Variants in DNMT3A observed in about 807,000 individuals in gnomAD.
DNMT3A encodes DNA (cytosine-5)-methyltransferase 3A.
DNMT3A carries 267 observed loss-of-function variants against 117.6 expected under a neutral mutation model. That is an observed-to-expected ratio of 2.27 (90% CI 2.05 to 2.51). DNMT3A has a LOEUF of 2.51. Among genes scored for constraint, DNMT3A ranks in the 30% most tolerant of loss-of-function variants. The pLI is 0.00. For missense variants in DNMT3A, 1,029 were observed against 1,260.2 expected (o/e 0.82, Z 2.78); for synonymous variants, 432 against 474.8 (o/e 0.91, Z 1.17).
rs147564809 is a variant in DNMT3A, at chr2:25,281,677, C to T, written c.448+764G>A. ...AGAAAGCGCTTTGTAAACTGTGAAGCCCTGTACAAATGCTAGTTGTCCTCA... is the reference window on the plus strand; with the variant it reads ...AGAAAGCGCTTTGTAAACTGTGAAGTCCTGTACAAATGCTAGTTGTCCTCA... On this transcript the variant is annotated intron_variant, in intron 4 of 22. Coordinates refer to ENST00000321117, the MANE Select transcript of DNMT3A (RefSeq NM_022552.5). This position sits in a 1 kb window ranked among gnomAD's most constrained non-coding sequence, Gnocchi z 4.8. 7 of 1,065,684 alleles carry T rather than the reference C, an allele frequency of 6.6e-6. No homozygotes were observed. Among genetic ancestry groups the T allele is most frequent in the East Asian group, 5.0e-5 (1 of 20,186 alleles). The allele number at this position is 1,065,684 out of a possible 1,614,324, so 66.0% of individuals were successfully genotyped here.
rs774128516 is a variant in DNMT3A at position 25,247,677 on chromosome 2, T to G, written c.928A>C (p.Ile310Leu). ...CGGCCCGTCATCCACCAAGACACAA[T>G]GCGGCCTGGCCACCAGGAGAAGCCC... is the stretch of plus-strand genomic sequence containing the variant. ...LRGFSWWPGR[I>L]VSWWMTGRSR... Residue 310 changes from isoleucine (I) to leucine (L), a missense_variant, in exon 8 of 23, where the codon ATT (isoleucine) becomes CTT (leucine). Ile to Leu is a conservative substitution (Grantham distance 5). Coordinates refer to ENST00000321117, the MANE Select transcript of DNMT3A (RefSeq NM_022552.5). This position sits in a 1 kb window ranked among gnomAD's most constrained non-coding sequence, Gnocchi z 5.6. The G allele has an allele frequency of 6.2e-7, 1 of 1,612,484 alleles. No individual in the cohort carries two copies. Among genetic ancestry groups the G allele is most frequent in the Non-Finnish European group, 8.5e-7 (1 of 1,179,634 alleles).
intron 2 of DNMT3A, among the ~76,000 whole-genome samples, chr2:25,301,321 T>C (rs758651972): frequency 6.6e-6 from 1 of 152,048 alleles, no homozygotes; most frequent in African/African-American, 2.4e-5. Flanking sequence ...GCAATATCTA[T>C]TTGAAGTCCA....
At chr2:25,239,067 C>A in intron 20 of DNMT3A, 63 bp downstream of exon 20, 1 of 1,497,728 alleles carries the variant, frequency 6.7e-7, no homozygotes, top group South Asian at 1.2e-5. Flanking sequence ...GGCTTCCCCA[C>A]TATGGGTCAT....
chr2:25,264,132 G>GTTTTTTTTGTTTTTT (rs2029959796), intron 6 of DNMT3A, among the ~76,000 whole-genome samples: 2 of 73,740 alleles, frequency 2.7e-5, no homozygotes, highest in East Asian at 5.0e-4. Flanking sequence ...CAACCCTTTG[G>GTTTTTTTTGTTTTTT]TTTTTTTTTT....
At chr2:25,334,055 G>A (rs113837461) in intron 1 of DNMT3A, among the ~76,000 whole-genome samples, 4 of 152,212 alleles carry the variant, frequency 2.6e-5, no homozygotes, top group African/African-American at 9.7e-5. Context: ...GTCCTTTTAT[G>A]TCTGTTCCTG....
chr2:25,302,279 A>G (rs1395235567), intron 2 of DNMT3A, among the ~76,000 whole-genome samples: 2 of 152,154 alleles, frequency 1.3e-5, no homozygotes, highest in Non-Finnish European at 1.5e-5. Context: ...ACTGGAGACC[A>G]AAGCTGTCTG....
intron 1 of DNMT3A, chr2:25,314,577 A>C (rs1392954421): frequency 3.1e-6 from 3 of 974,330 alleles, no homozygotes; most frequent in Non-Finnish European, 1.2e-6. Context: ...ATCTGTCCTC[A>C]CCCCCACCCC....
intron 2 of DNMT3A, among the ~76,000 whole-genome samples, chr2:25,310,725 C>T (rs2034066675): frequency 6.6e-6 from 1 of 152,182 alleles, no homozygotes; most frequent in African/African-American, 2.4e-5. Flanking sequence ...AGAAAAGGGC[C>T]GTGACCCTGC....
In DNMT3A at chr2:25,240,672, G is replaced by GA; in HGVS notation, c.2140dup (p.Ser714PhefsTer20). ...GCCCTTGCGAGCAGGGTTGACGATGGAGAGGTCATTGCAGGGACTGCCCCC... is the reference window on the plus strand; with the variant it reads ...GCCCTTGCGAGCAGGGTTGACGATGGAAGAGGTCATTGCAGGGACTGCCCCC... On this transcript the variant is annotated frameshift_variant, in exon 18 of 23. Coordinates refer to ENST00000321117, the MANE Select transcript of DNMT3A (RefSeq NM_022552.5). LOFTEE classifies it high-confidence loss of function. The GA allele has an allele frequency of 6.2e-7, 1 of 1,614,214 alleles. No individual in the cohort carries two copies. Among genetic ancestry groups the GA allele is most frequent in the African/African-American group, 1.3e-5 (1 of 75,070 alleles).
chr2:25,285,436 G>C (rs1167787771), intron 3 of DNMT3A, among the ~76,000 whole-genome samples: 1 of 152,238 alleles, frequency 6.6e-6, no homozygotes, highest in Non-Finnish European at 1.5e-5. Flanking sequence ...AGCAGCCGGA[G>C]AGGGAGCAGA....
chr2:25,296,798 A>C lies in DNMT3A; in HGVS notation c.177+3341T>G, dbSNP rs2033117724. On this transcript the variant is annotated intron_variant, in intron 3 of 22. Transcript: ENST00000321117. The surrounding 1 kb of genome is among the most constrained non-coding windows in gnomAD (Gnocchi z 4.2). ...GTCCTTGGGGGCAAAAGGAGGAGAG[A>C]GCCCAGGATTTCTTGGGCTTGGGGG... Among the ~76,000 whole-genome samples, 1 of 152,124 alleles carries C rather than the reference A, an allele frequency of 6.6e-6. No individual in the cohort carries two copies. Among genetic ancestry groups the C allele is most frequent in the Non-Finnish European group, 1.5e-5 (1 of 68,012 alleles).
At chr2:25,283,800 G>A (rs1032899211) in intron 3 of DNMT3A, among the ~76,000 whole-genome samples, 1 of 152,164 alleles carries the variant, frequency 6.6e-6, no homozygotes, top group African/African-American at 2.4e-5. Flanking sequence ...AATAATCCTG[G>A]CTGTCTGTGT....
intron 2 of DNMT3A, among the ~76,000 whole-genome samples, chr2:25,300,682 TAG>T: frequency 1.2e-5 from 1 of 80,942 alleles, no homozygotes; most frequent in African/African-American, 4.8e-5. Flanking sequence ...GATATATATT[TAG>T]ATATATATTT....
chr2:25,246,139 C>T, intron 11 of DNMT3A, 21 bp downstream of exon 11: 1 of 1,614,142 alleles, frequency 6.2e-7, no homozygotes, highest in Non-Finnish European at 8.5e-7. Flanking sequence ...GTGCCACCCT[C>T]TCCAGAAGCA....
chr2:25,308,506 T>C (rs1018565862), intron 2 of DNMT3A, among the ~76,000 whole-genome samples: 1 of 152,118 alleles, frequency 6.6e-6, no homozygotes, highest in Non-Finnish European at 1.5e-5. Context: ...CCTGCTCAGC[T>C]CAGGGATGGG....
At chr2:25,308,968 T>TACACACACACACACACACACAC (rs10628428) in intron 2 of DNMT3A, among the ~76,000 whole-genome samples, 1 of 144,046 alleles carries the variant, frequency 6.9e-6, no homozygotes, top group African/African-American at 2.6e-5. Context: ...CACAGATGCA[T>TACACACACACACACACACACAC]ACACACACAC....
chr2:25,301,524 A>G (rs1300938508), intron 2 of DNMT3A, among the ~76,000 whole-genome samples: 1 of 152,118 alleles, frequency 6.6e-6, no homozygotes, highest in East Asian at 1.9e-4. Flanking sequence ...CGCCCCTCAC[A>G]TAACACCTGT....
At position 25,339,993 on chromosome 2, in the gene DNMT3A, GC is replaced by G. The variant is rs1271335534; in HGVS notation, c.-178+1832del. The stretch of plus-strand genomic sequence containing the variant: ...AGGGTGAAACATGAAGACTGAGCAG[GC>G]CCTCAGGGATGCTGATGGCAGTCTC... On this transcript the variant is annotated intron_variant, in intron 1 of 22. Coordinates refer to ENST00000321117, the MANE Select transcript of DNMT3A (RefSeq NM_022552.5). This position sits in a 1 kb window ranked among gnomAD's most constrained non-coding sequence, Gnocchi z 4.9. 7.9e-5 allele frequency among the ~76,000 whole-genome samples: 12 copies of G among 152,224 alleles called. No homozygotes were observed. Among genetic ancestry groups the G allele is most frequent in the African/African-American group, 2.9e-4 (12 of 41,464 alleles).
intron 1 of DNMT3A, among the ~76,000 whole-genome samples, chr2:25,335,280 T>C (rs2035166856): frequency 1.3e-5 from 2 of 152,246 alleles, no homozygotes; most frequent in Admixed American, 6.5e-5. Flanking sequence ...CGGGAACCTA[T>C]ACAAGTAATC....
Sources: allele counts gnomAD v4.1 joint callset (sites outside exome capture counted in the v4.1 genomes callset), GRCh38; gene constraint gnomAD v4.1.1; non-coding constraint Gnocchi (gnomAD v3.1); transcripts MANE v1.5; gene names NCBI Gene and HGNC (gene_info 2026-07-23, HGNC 2026-07-21).